NUBPL: variants seen among roughly 807,000 people sequenced by gnomAD.
NUBPL encodes the protein iron-sulfur cluster transfer protein NUBPL.
Under a neutral mutation model 45.7 loss-of-function variants are expected in NUBPL, and 31 were observed. The observed-to-expected ratio is 0.68, with a 90% CI of 0.51 to 0.92. NUBPL has a LOEUF of 0.92. Ranked by LOEUF, NUBPL falls within the 40% of genes least tolerant of loss-of-function variation. NUBPL has a pLI of 0.00. For synonymous variants in NUBPL, 144 were observed against 140.9 expected, an observed-to-expected ratio of 1.02 and a Z score of -0.15; for missense variants, 401 against 398.7, an observed-to-expected ratio of 1.01 and a Z score of -0.05.
intron 6 of NUBPL, among the ~76,000 whole-genome samples, chr14:31,777,509 G>A (rs985535764): frequency 6.6e-6 from 1 of 152,172 alleles, no homozygotes; most frequent in African/African-American, 2.4e-5. Context: ...GTCGCTTGCA[G>A]ACAGCTGTTA....
At chr14:31,658,373 A>G (rs1421519470) in intron 4 of NUBPL, among the ~76,000 whole-genome samples, 1 of 152,200 alleles carries the variant, frequency 6.6e-6, no homozygotes, top group Non-Finnish European at 1.5e-5. Flanking sequence ...CATATGCAGT[A>G]TGTCATATAA....
At chr14:31,792,971 G>A (rs2039409650) in intron 7 of NUBPL, among the ~76,000 whole-genome samples, 1 of 152,178 alleles carries the variant, frequency 6.6e-6, no homozygotes. Flanking sequence ...GTAACAGCCT[G>A]TCAAAATCAT....
intron 8 of NUBPL, among the ~76,000 whole-genome samples, chr14:31,829,776 T>C (rs1255115528): frequency 6.6e-6 from 1 of 152,194 alleles, no homozygotes. Context: ...TTAATTTAAA[T>C]GATTTCTTAA....
At chr14:31,692,865 C>T (rs555318376) in intron 6 of NUBPL, among the ~76,000 whole-genome samples, 12 of 152,160 alleles carry the variant, frequency 7.9e-5, no homozygotes, top group Middle Eastern at 6.8e-3. Context: ...TACATAGTTT[C>T]TTAAATGGCA....
chr14:31,585,321 C>T (rs2033967654), intron 3 of NUBPL, among the ~76,000 whole-genome samples: 1 of 152,150 alleles, frequency 6.6e-6, no homozygotes, highest in South Asian at 2.1e-4. Flanking sequence ...TGTTTTGGGC[C>T]ACGTGCAGCT....
chr14:31,698,514 T>G (rs1222156967), intron 6 of NUBPL, among the ~76,000 whole-genome samples: 2 of 152,154 alleles, frequency 1.3e-5, no homozygotes, highest in Non-Finnish European at 2.9e-5. Flanking sequence ...AAAGCATAAC[T>G]CTCATGTCAG....
At chr14:31,831,105 G>T (rs1186640324) in intron 8 of NUBPL, among the ~76,000 whole-genome samples, 1 of 151,916 alleles carries the variant, frequency 6.6e-6, no homozygotes, top group African/African-American at 2.4e-5. Flanking sequence ...GTGCAGTGGT[G>T]TGATCTCGGC....
chr14:31,779,427 G>A (rs2039153947), intron 6 of NUBPL, among the ~76,000 whole-genome samples: 1 of 152,128 alleles, frequency 6.6e-6, no homozygotes, highest in African/African-American at 2.4e-5. Context: ...ACAGAGTATG[G>A]AATGGAGATA....
intron 4 of NUBPL, among the ~76,000 whole-genome samples, chr14:31,660,937 C>T (rs112631670): frequency 6.6e-6 from 1 of 152,166 alleles, no homozygotes; most frequent in Admixed American, 6.5e-5. Context: ...GTAAAGATGT[C>T]AACTTTAATA....
At chr14:31,583,011 A>C (rs1366313227) in intron 3 of NUBPL, among the ~76,000 whole-genome samples, 1 of 152,216 alleles carries the variant, frequency 6.6e-6, no homozygotes, top group African/African-American at 2.4e-5. Context: ...ATTCCCTGCA[A>C]GGCTGCTATT....
chr14:31,618,057 T>G (rs2034958146), intron 4 of NUBPL, among the ~76,000 whole-genome samples: 1 of 152,224 alleles, frequency 6.6e-6, no homozygotes, highest in African/African-American at 2.4e-5. Context: ...CTAGTTTATT[T>G]CCGTAGAGGT....
chr14:31,761,205 G>A (rs1212894463), intron 6 of NUBPL, among the ~76,000 whole-genome samples: 2 of 151,924 alleles, frequency 1.3e-5, no homozygotes, highest in Non-Finnish European at 2.9e-5. Flanking sequence ...TTGGAGATCA[G>A]TCTCACTCTG....
intron 6 of NUBPL, among the ~76,000 whole-genome samples, chr14:31,772,214 G>T (rs78039169): frequency 0.049 from 7,386 of 152,052 alleles, 563 homozygotes; most frequent in African/African-American, 0.17. Flanking sequence ...TCCAAATTAG[G>T]TTAATACAGT....
At chr14:31,668,211 T>G (rs1049859328) in intron 4 of NUBPL, among the ~76,000 whole-genome samples, 39 of 152,330 alleles carry the variant, frequency 2.6e-4, no homozygotes, top group African/African-American at 9.4e-4. Flanking sequence ...GTTTTATCTT[T>G]ACGTCCCTGA....
intron 4 of NUBPL, among the ~76,000 whole-genome samples, chr14:31,666,630 C>T (rs1027262809): frequency 2.0e-5 from 3 of 152,022 alleles, no homozygotes; most frequent in South Asian, 2.1e-4. Flanking sequence ...TTAGTTGATG[C>T]GGTTTCTTCA....
At chr14:31,812,660 C>T (rs564307168) in intron 7 of NUBPL, among the ~76,000 whole-genome samples, 1 of 152,338 alleles carries the variant, frequency 6.6e-6, no homozygotes, top group South Asian at 2.1e-4. Context: ...ACACCAGTCC[C>T]AGTGAGATGA....
chr14:31,788,222 G>A (rs2039318991), intron 7 of NUBPL, among the ~76,000 whole-genome samples: 1 of 152,118 alleles, frequency 6.6e-6, no homozygotes, highest in South Asian at 2.1e-4. Context: ...TAGCAGCAAG[G>A]GTTCAGTAGT....
At chr14:31,799,248 C>G (rs544554656) in intron 7 of NUBPL, among the ~76,000 whole-genome samples, 1 of 151,920 alleles carries the variant, frequency 6.6e-6, no homozygotes, top group African/African-American at 2.4e-5. Context: ...CAAAAAAATC[C>G]TTTTTTATAG....
chr14:31,637,555 T>C (rs1175925674), intron 4 of NUBPL, among the ~76,000 whole-genome samples: 1 of 152,134 alleles, frequency 6.6e-6, no homozygotes, highest in East Asian at 1.9e-4. Context: ...CTGAAAAAAA[T>C]GTATATTCTG....
Sources: allele counts gnomAD v4.1 joint callset (sites outside exome capture counted in the v4.1 genomes callset), GRCh38; gene constraint gnomAD v4.1.1; transcripts MANE v1.5; gene names NCBI Gene and HGNC (gene_info 2026-07-23, HGNC 2026-07-21).